MAD1L1: variants seen among roughly 807,000 people sequenced by gnomAD.
MAD1L1 encodes mitotic arrest deficient 1 like 1.
MAD1L1 carries 95 observed loss-of-function variants against 96.9 expected under a neutral mutation model. The ratio of observed to expected loss-of-function variants is 0.98; its 90% CI spans 0.83 to 1.16. MAD1L1 has a LOEUF of 1.16. Among genes scored for constraint, MAD1L1 ranks in the 50% most tolerant of loss-of-function variants. The pLI, the probability that MAD1L1 is intolerant of heterozygous loss-of-function variation, is 0.00. For missense variants in MAD1L1, 1,007 were observed against 954.4 expected, an observed-to-expected ratio of 1.06 and a Z score of -0.73; for synonymous variants, 473 against 396.6, an observed-to-expected ratio of 1.19 and a Z score of -2.29.
At chr7:1,945,357 CATG>C (rs1779181382) in intron 16 of MAD1L1, among the ~76,000 whole-genome samples, 1 of 152,230 alleles carries the variant, frequency 6.6e-6, no homozygotes, top group Admixed American at 6.5e-5. Context: ...TGAATGAATG[CATG>C]ATGATGATGA....
At chr7:1,994,720 G>A (rs1781485197) in intron 14 of MAD1L1, among the ~76,000 whole-genome samples, 2 of 152,228 alleles carry the variant, frequency 1.3e-5, no homozygotes. Flanking sequence ...CACCGTGTGA[G>A]GACACAGTGA....
At chr7:2,222,031 T>C (rs2115009057) in intron 5 of MAD1L1, among the ~76,000 whole-genome samples, 1 of 151,254 alleles carries the variant, frequency 6.6e-6, no homozygotes, top group South Asian at 2.1e-4. Flanking sequence ...AACAGATTCA[T>C]CATCCATTTA....
Position 2,149,939 on chromosome 7 carries a change from C to A in MAD1L1, c.987-701G>T, listed in dbSNP as rs935252980. On this transcript the variant is annotated intron_variant, in intron 10 of 18. Transcript: ENST00000265854. ...TGTGTGAGCATTCCCAGCCTCACAA[C>A]CTGGGGCACAAAGCCAAGGCTCCCT... Among the ~76,000 whole-genome samples the A allele has an allele frequency of 2.0e-5, 3 of 152,204 alleles. No individual in the cohort carries two copies. The East Asian group carries it at 5.8e-4, about 29-fold the overall frequency.
intron 17 of MAD1L1, among the ~76,000 whole-genome samples, chr7:1,928,026 G>C (rs1583814270): frequency 1.3e-5 from 2 of 152,244 alleles, no homozygotes; most frequent in South Asian, 4.1e-4. Context: ...AGAGCCACCA[G>C]CTCGTGCCCG....
chr7:1,888,922 C>T (rs1250529048), intron 18 of MAD1L1, among the ~76,000 whole-genome samples: 2 of 152,212 alleles, frequency 1.3e-5, no homozygotes, highest in African/African-American at 4.8e-5. Flanking sequence ...CCGCAATCAC[C>T]CTGCAGTTCT....
intron 11 of MAD1L1, among the ~76,000 whole-genome samples, chr7:2,144,624 G>A (rs1035217128): frequency 6.6e-6 from 1 of 152,152 alleles, no homozygotes; most frequent in Non-Finnish European, 1.5e-5. Flanking sequence ...GGCAGAGCTG[G>A]GGACGCCAGG....
chr7:1,885,671 G>A (rs536963627), intron 18 of MAD1L1, among the ~76,000 whole-genome samples: 5 of 152,318 alleles, frequency 3.3e-5, no homozygotes, highest in Admixed American at 1.3e-4. Flanking sequence ...CTGTTGCCAT[G>A]ACAACCCCAA....
intron 12 of MAD1L1, among the ~76,000 whole-genome samples, chr7:2,017,665 C>T (rs183680102): frequency 6.6e-6 from 1 of 152,328 alleles, no homozygotes; most frequent in Non-Finnish European, 1.5e-5. Flanking sequence ...CCAGAGGACC[C>T]TTGCGAAAGA....
chr7:2,109,301 A>G (rs1787257126), intron 11 of MAD1L1, among the ~76,000 whole-genome samples: 1 of 152,292 alleles, frequency 6.6e-6, no homozygotes, highest in Non-Finnish European at 1.5e-5. Flanking sequence ...AGCCCATGAG[A>G]GCACTGGAGG....
chr7:1,986,115 A>G (rs1781128122), intron 14 of MAD1L1, among the ~76,000 whole-genome samples: 1 of 152,152 alleles, frequency 6.6e-6, no homozygotes, highest in Admixed American at 6.5e-5. Context: ...CACAGTGGGG[A>G]AGGACAGGCC....
chr7:2,218,509 C>T (rs1365910192), intron 6 of MAD1L1, among the ~76,000 whole-genome samples: 1 of 152,206 alleles, frequency 6.6e-6, no homozygotes, highest in Non-Finnish European at 1.5e-5. Context: ...CTGACTGCAC[C>T]TCCAGACAAG....
chr7:1,866,953 T>TGGGGAGGTGCAGCTCGGAGGTA (rs1784806230), intron 18 of MAD1L1, among the ~76,000 whole-genome samples: 1 of 151,966 alleles, frequency 6.6e-6, no homozygotes, highest in African/African-American at 2.4e-5. Flanking sequence ...GCAGTAGGGA[T>TGGGGAGGTGCAGCTCGGAGGTA]GGGGAGGTGC....
At chr7:2,181,308 T>C (rs1480200175) in intron 10 of MAD1L1, among the ~76,000 whole-genome samples, 3 of 152,284 alleles carry the variant, frequency 2.0e-5, no homozygotes. Flanking sequence ...CTGTAGTTGT[T>C]TTTTACTTGT....
chr7:1,962,292 C>T (rs1208763787), intron 15 of MAD1L1, among the ~76,000 whole-genome samples: 1 of 152,244 alleles, frequency 6.6e-6, no homozygotes, highest in Non-Finnish European at 1.5e-5. Flanking sequence ...TAAGATGTGC[C>T]TTTTGCCTGC....
chr7:2,126,915 T>C (rs1788259266), intron 11 of MAD1L1, among the ~76,000 whole-genome samples: 2 of 152,144 alleles, frequency 1.3e-5, no homozygotes, highest in African/African-American at 4.8e-5. Context: ...CAGCAATGCT[T>C]CTATGTATCC....
intron 10 of MAD1L1, among the ~76,000 whole-genome samples, chr7:2,161,426 G>C (rs941271719): frequency 2.0e-5 from 3 of 152,034 alleles, no homozygotes; most frequent in African/African-American, 7.2e-5. Flanking sequence ...GCCCAGCCTG[G>C]AGTGCAGTGG....
intron 18 of MAD1L1, among the ~76,000 whole-genome samples, chr7:1,823,507 C>T (rs1199666550): frequency 1.3e-5 from 2 of 152,162 alleles, no homozygotes; most frequent in African/African-American, 2.4e-5. Flanking sequence ...TCTCCTAGAA[C>T]GCCACGGCCA....
chr7:1,872,916 G>A (rs1583618255), intron 18 of MAD1L1, among the ~76,000 whole-genome samples: 2 of 152,362 alleles, frequency 1.3e-5, no homozygotes, highest in South Asian at 2.1e-4. Flanking sequence ...AGGGTGGGGG[G>A]CGCGTCAGAA....
chr7:2,121,823 T>C (rs1429982380), intron 11 of MAD1L1, among the ~76,000 whole-genome samples: 1 of 151,972 alleles, frequency 6.6e-6, no homozygotes, highest in East Asian at 1.9e-4. Context: ...GTGAGGTGTG[T>C]CTGCCTCGCT....
Sources: gnomAD v4.1 joint callset for allele counts (sites outside exome capture counted in the v4.1 genomes callset) on GRCh38, gnomAD v4.1.1 for gene constraint, MANE v1.5 for transcripts, NCBI Gene and HGNC (gene_info 2026-07-23, HGNC 2026-07-21) for gene names.